The following RIMS2 variants were observed in gnomAD, a reference collection of about 807,000 sequenced individuals.
The protein encoded by RIMS2 is regulating synaptic membrane exocytosis 2, also known as regulating synaptic membrane exocytosis protein 2.
Under a neutral mutation model 174.4 loss-of-function variants are expected in RIMS2, and 59 were observed. The ratio of observed to expected loss-of-function variants is 0.34; its 90% CI spans 0.27 to 0.42. The LOEUF (loss-of-function observed/expected upper bound fraction) is 0.42. Among genes scored for constraint, RIMS2 ranks in the 10% least tolerant of loss-of-function variants. The pLI is 1.00. For missense variants in RIMS2, 1,620 were observed against 1,666.3 expected, an observed-to-expected ratio of 0.97 and a Z score of 0.48; for synonymous variants, 606 against 572.5, an observed-to-expected ratio of 1.06 and a Z score of -0.84.
rs189110417 is a variant in RIMS2 at position 103,790,350 on chromosome 8, T to C, written c.698+23813T>C. 3.8e-3 allele frequency among the ~76,000 whole-genome samples: 584 copies of C among 152,348 alleles called. 5 individuals carry two copies. The highest frequency in any genetic ancestry group is 6.6e-3 in the Non-Finnish European group (447 of 68,030). ...TGGACATTTCATAAAAATAGTATCATGCAATTATGTAGCCTTTTGTTACTG... is the reference window on the plus strand; with the variant it reads ...TGGACATTTCATAAAAATAGTATCACGCAATTATGTAGCCTTTTGTTACTG... On this transcript the variant is annotated intron_variant, in intron 3 of 23. Coordinates refer to ENST00000504942, the Ensembl canonical transcript of RIMS2.
At chr8:104,101,119 A>T (rs1353087277) in intron 19 of RIMS2, among the ~76,000 whole-genome samples, 1 of 141,730 alleles carries the variant, frequency 7.1e-6, no homozygotes, top group African/African-American at 2.6e-5. Context: ...TTATATATGT[A>T]ATATATATTT....
At chr8:103,811,369 G>A (rs1323717349) in intron 3 of RIMS2, among the ~76,000 whole-genome samples, 1 of 152,038 alleles carries the variant, frequency 6.6e-6, no homozygotes, top group East Asian at 1.9e-4. Context: ...TCTAGGTTTG[G>A]TACTCTATAA....
rs184928593 is a variant in RIMS2 at position 103,760,492 on chromosome 8, G to C, written c.388-5735G>C. Among the ~76,000 whole-genome samples the C allele has an allele frequency of 2.6e-5, 4 of 152,368 alleles. No individual in the cohort carries two copies. The East Asian group carries it at 7.7e-4, about 29-fold the overall frequency. On this transcript the variant is annotated intron_variant, in intron 2 of 23. Transcript: ENST00000504942. Reference sequence around the variant, plus strand: ...TACTTTCAAAATCCACCATGGCAGTGCTGGGTGAGGGCTTGTAGTTTAGTA... The same window carrying C: ...TACTTTCAAAATCCACCATGGCAGTCCTGGGTGAGGGCTTGTAGTTTAGTA...
At chr8:104,164,181 G>A (rs1041172257) in intron 19 of RIMS2, among the ~76,000 whole-genome samples, 2 of 42,440 alleles carry the variant, frequency 4.7e-5, no homozygotes, top group South Asian at 2.4e-3. Context: ...TTTTATCCTG[G>A]AATTATCTTT....
At chr8:103,556,908 C>T (rs1016311304) in intron 1 of RIMS2, among the ~76,000 whole-genome samples, 1 of 152,184 alleles carries the variant, frequency 6.6e-6, no homozygotes, top group African/African-American at 2.4e-5. Flanking sequence ...TCTATATTAG[C>T]TTCTATGGAT....
chr8:104,053,003 G>T (rs1597817132), intron 19 of RIMS2, among the ~76,000 whole-genome samples: 3 of 152,340 alleles, frequency 2.0e-5, no homozygotes. Flanking sequence ...GTCAAGGACA[G>T]TGTAATAATT....
chr8:103,737,199 T>C (rs1422441555), intron 2 of RIMS2, among the ~76,000 whole-genome samples: 1 of 142,594 alleles, frequency 7.0e-6, no homozygotes, highest in Admixed American at 7.1e-5. Context: ...TTTTTTTTTT[T>C]TTGAGACAGA....
chr8:103,613,744 A>G (rs1050187766), intron 1 of RIMS2, among the ~76,000 whole-genome samples: 4 of 152,094 alleles, frequency 2.6e-5, no homozygotes, highest in Non-Finnish European at 4.4e-5. Context: ...GCTCCTTAAG[A>G]GTCAGCACGT....
chr8:104,201,952 A>G (rs1490266203), intron 19 of RIMS2, among the ~76,000 whole-genome samples: 3 of 152,170 alleles, frequency 2.0e-5, no homozygotes, highest in African/African-American at 7.2e-5. Context: ...TAATGAAATA[A>G]GAGTTGAAGT....
Position 103,869,884 on chromosome 8 carries a change from G to C in RIMS2, c.699-15414G>C, listed in dbSNP as rs1215421190. ...CAGTGGTAGAGTTGTTACTGGAGAA[G>C]AAGTAATAGTCACTTGTGGCAGTTA... is the stretch of plus-strand genomic sequence containing the variant. On this transcript the variant is annotated intron_variant, in intron 3 of 23. Coordinates refer to ENST00000504942, the Ensembl canonical transcript of RIMS2. 4.6e-5 allele frequency among the ~76,000 whole-genome samples: 7 copies of C among 152,312 alleles called. No homozygotes were observed. In the East Asian group the frequency reaches 1.4e-3, roughly 29 times the overall value.
chr8:103,619,894 G>A (rs565556429), intron 1 of RIMS2, among the ~76,000 whole-genome samples: 2 of 152,060 alleles, frequency 1.3e-5, no homozygotes, highest in South Asian at 4.2e-4. Context: ...ATACTCAAAG[G>A]GAAAATATGA....
intron 2 of RIMS2, among the ~76,000 whole-genome samples, chr8:103,703,626 T>A (rs1801789323): frequency 6.6e-6 from 1 of 151,206 alleles, no homozygotes; most frequent in Non-Finnish European, 1.5e-5. Context: ...CAATCCATGA[T>A]AATAGGATAC....
intron 3 of RIMS2, among the ~76,000 whole-genome samples, chr8:103,843,058 T>C (rs1486104735): frequency 6.6e-6 from 1 of 152,228 alleles, no homozygotes; most frequent in African/African-American, 2.4e-5. Flanking sequence ...CTTCTTTTAA[T>C]TAATCACCTC....
chr8:103,734,042 C>CT (rs2097649927), intron 2 of RIMS2, among the ~76,000 whole-genome samples: 5 of 117,332 alleles, frequency 4.3e-5, no homozygotes, highest in Admixed American at 9.6e-5. Flanking sequence ...TTTTTTTTCC[C>CT]AGACGGAGTC....
At chr8:103,631,046 A>G (rs1450587430) in intron 1 of RIMS2, among the ~76,000 whole-genome samples, 1 of 152,170 alleles carries the variant, frequency 6.6e-6, no homozygotes, top group Non-Finnish European at 1.5e-5. Context: ...ATAGTTCACA[A>G]ATATTTTCTC....
intron 2 of RIMS2, among the ~76,000 whole-genome samples, chr8:103,726,496 T>A (rs1028526320): frequency 6.6e-6 from 1 of 151,980 alleles, no homozygotes; most frequent in African/African-American, 2.4e-5. Context: ...TATACTTTTT[T>A]ATTTAGTTTT....
intron 1 of RIMS2, among the ~76,000 whole-genome samples, chr8:103,643,241 T>C (rs2096265396): frequency 2.0e-5 from 3 of 152,166 alleles, no homozygotes; most frequent in African/African-American, 7.2e-5. Context: ...TATTTTTTAT[T>C]TTTAGCATTT....
At chr8:103,779,386 A>T (rs544755200) in intron 3 of RIMS2, among the ~76,000 whole-genome samples, 1 of 152,068 alleles carries the variant, frequency 6.6e-6, no homozygotes, top group Non-Finnish European at 1.5e-5. Flanking sequence ...TGGGTCTTCA[A>T]TATAAGTTTT....
At chr8:104,186,727 GT>G (rs950057430) in intron 19 of RIMS2, among the ~76,000 whole-genome samples, 4 of 151,620 alleles carry the variant, frequency 2.6e-5, no homozygotes, top group African/African-American at 9.7e-5. Flanking sequence ...AGATTGCTGG[GT>G]TCCAGTCCAG....
Sources: allele counts gnomAD v4.1 joint callset (sites outside exome capture counted in the v4.1 genomes callset), GRCh38; gene constraint gnomAD v4.1.1; transcripts MANE v1.5; gene names NCBI Gene and HGNC (gene_info 2026-07-23, HGNC 2026-07-21).